Variants in ADAMTSL1 observed in about 807,000 individuals in gnomAD.
ADAMTSL1 encodes the protein ADAMTS like 1.
ADAMTSL1 carries 126 observed loss-of-function variants against 201.8 expected under a neutral mutation model. That is an observed-to-expected ratio of 0.62 (90% CI 0.54 to 0.72). ADAMTSL1 has a LOEUF of 0.72. Ranked by LOEUF, ADAMTSL1 falls within the 30% of genes least tolerant of loss-of-function variation. The pLI is 0.00. For synonymous variants in ADAMTSL1, 1,121 were observed against 903.4 expected (o/e 1.24, Z -4.32); for missense variants, 2,679 against 2,277.8 (o/e 1.18, Z -3.59).
intron 2 of ADAMTSL1, among the ~76,000 whole-genome samples, chr9:18,465,367 G>A (rs1820963950): frequency 6.6e-6 from 1 of 152,202 alleles, no homozygotes; most frequent in Non-Finnish European, 1.5e-5. Flanking sequence ...AAGTCTGGAG[G>A]TGGGCAATAC....
chr9:18,761,095 G>C (rs1820047337), intron 16 of ADAMTSL1, among the ~76,000 whole-genome samples: 1 of 152,204 alleles, frequency 6.6e-6, no homozygotes, highest in South Asian at 2.1e-4. Context: ...AGTGAATGAA[G>C]AAACAAGTGA....
rs146891671 is a variant in ADAMTSL1, at chr9:18,046,683, A to C, written c.88-117179A>C. Among the ~76,000 whole-genome samples the C allele has an allele frequency of 3.5e-3, 532 of 152,292 alleles. 1 individual carries two copies. The highest frequency in any genetic ancestry group is 0.012 in the African/African-American group (496 of 41,574). On this transcript the variant is annotated intron_variant, in intron 1 of 29. Transcript: ENST00000680146. ...ATTAATAATGATGGAAACTATAATAATAATTATACAATCTACCATTTATTG... is the reference window on the plus strand; with the variant it reads ...ATTAATAATGATGGAAACTATAATACTAATTATACAATCTACCATTTATTG...
chr9:18,584,399 A>G (rs1587639367), intron 4 of ADAMTSL1, among the ~76,000 whole-genome samples: 1 of 152,126 alleles, frequency 6.6e-6, no homozygotes, highest in Non-Finnish European at 1.5e-5. Context: ...TGTAAGTCCA[A>G]TAAACCTCTT....
At chr9:18,676,976 T>A (rs1830166618) in intron 10 of ADAMTSL1, among the ~76,000 whole-genome samples, 1 of 152,112 alleles carries the variant, frequency 6.6e-6, no homozygotes, top group South Asian at 2.1e-4. Context: ...ACCACAGATA[T>A]GTTAAATATA....
At chr9:18,501,357 A>G (rs1040794000) in intron 1 of ADAMTSL1, among the ~76,000 whole-genome samples, 5 of 152,082 alleles carry the variant, frequency 3.3e-5, no homozygotes, top group African/African-American at 1.2e-4. Context: ...TGAAAAATAC[A>G]AAAATTAGCC....
At chr9:18,581,595 T>C (rs971008896) in intron 4 of ADAMTSL1, among the ~76,000 whole-genome samples, 10 of 152,196 alleles carry the variant, frequency 6.6e-5, no homozygotes, top group Non-Finnish European at 1.5e-5. Context: ...GAGACTTGGA[T>C]ATAGTGCATC....
intron 9 of ADAMTSL1, among the ~76,000 whole-genome samples, chr9:18,670,871 C>G (rs895156650): frequency 6.6e-6 from 1 of 151,880 alleles, no homozygotes; most frequent in Admixed American, 6.6e-5. Flanking sequence ...CCCACCCCAC[C>G]CCCACCTCCA....
rs111293635 is a variant in ADAMTSL1, at chr9:18,541,612, C to A, written c.237+8320C>A. Among the ~76,000 whole-genome samples the A allele has an allele frequency of 3.0e-3, 449 of 152,132 alleles. 3 individuals are homozygous for A. Among genetic ancestry groups the A allele is most frequent in the African/African-American group, 0.01 (419 of 41,502 alleles). On this transcript the variant is annotated intron_variant, in intron 3 of 28. Transcript: ENST00000380548. Reference sequence around the variant, plus strand: ...TCCCATGGATAATGAGGACTTAAAGCAGTGTTATGTAGCAGAAAGAACATG... The same window carrying A: ...TCCCATGGATAATGAGGACTTAAAGAAGTGTTATGTAGCAGAAAGAACATG...
chr9:17,983,257 G>A (rs974347649), intron 1 of ADAMTSL1, among the ~76,000 whole-genome samples: 30 of 151,676 alleles, frequency 2.0e-4, no homozygotes, highest in African/African-American at 6.8e-4. Flanking sequence ...TTTTAGTAGG[G>A]ATGGGGTTTC....
chr9:18,353,349 G>T (rs1437289773), intron 2 of ADAMTSL1, among the ~76,000 whole-genome samples: 1 of 152,124 alleles, frequency 6.6e-6, no homozygotes, highest in Non-Finnish European at 1.5e-5. Context: ...CTTAAACCTG[G>T]ACTCAAGTGT....
intron 2 of ADAMTSL1, among the ~76,000 whole-genome samples, chr9:18,384,779 C>A (rs772876319): frequency 2.0e-5 from 3 of 152,116 alleles, no homozygotes; most frequent in African/African-American, 7.2e-5. Flanking sequence ...CACCTTAATG[C>A]GGAAATGTTC....
At chr9:18,510,406 A>C (rs1316870513) in intron 2 of ADAMTSL1, among the ~76,000 whole-genome samples, 1 of 152,200 alleles carries the variant, frequency 6.6e-6, no homozygotes, top group Non-Finnish European at 1.5e-5. Flanking sequence ...ACACAGGTAC[A>C]CATTAAATAT....
chr9:18,269,551 A>G (rs546225114), intron 2 of ADAMTSL1, among the ~76,000 whole-genome samples: 52 of 152,330 alleles, frequency 3.4e-4, no homozygotes, highest in Non-Finnish European at 2.9e-5. Context: ...CTCATTATTA[A>G]TAAATTTGGC....
intron 1 of ADAMTSL1, among the ~76,000 whole-genome samples, chr9:17,985,670 A>G (rs1443255388): frequency 6.6e-6 from 1 of 152,140 alleles, no homozygotes; most frequent in East Asian, 1.9e-4. Flanking sequence ...TTACATAATT[A>G]TACACAGAAT....
chr9:18,392,332 G>A (rs933876724), intron 2 of ADAMTSL1, among the ~76,000 whole-genome samples: 2 of 152,182 alleles, frequency 1.3e-5, no homozygotes, highest in African/African-American at 4.8e-5. Flanking sequence ...GCACTCACTA[G>A]CCTAGCTTCA....
intron 2 of ADAMTSL1, among the ~76,000 whole-genome samples, chr9:18,448,547 C>G (rs1390965692): frequency 2.6e-5 from 4 of 152,152 alleles, no homozygotes; most frequent in African/African-American, 7.2e-5. Flanking sequence ...AATTCATCAT[C>G]ATAAGTTGAA....
intron 1 of ADAMTSL1, among the ~76,000 whole-genome samples, chr9:18,082,970 G>A (rs1255886712): frequency 6.6e-6 from 1 of 152,194 alleles, no homozygotes; most frequent in African/African-American, 2.4e-5. Flanking sequence ...AACCAGTACT[G>A]CCAGGAAGCT....
At chr9:18,207,629 A>G (rs1283252056) in intron 2 of ADAMTSL1, among the ~76,000 whole-genome samples, 3 of 152,222 alleles carry the variant, frequency 2.0e-5, no homozygotes, top group Non-Finnish European at 1.5e-5. Flanking sequence ...AGGTGAATCC[A>G]TGGTCCGATG....
intron 2 of ADAMTSL1, among the ~76,000 whole-genome samples, chr9:18,428,725 G>A (rs763437513): frequency 6.6e-6 from 1 of 152,138 alleles, no homozygotes; most frequent in Non-Finnish European, 1.5e-5. Context: ...CATGATTTTT[G>A]ACCATTTCAA....
Sources: allele counts gnomAD v4.1 joint callset (sites outside exome capture counted in the v4.1 genomes callset), GRCh38; gene constraint gnomAD v4.1.1; transcripts MANE v1.5; gene names NCBI Gene and HGNC (gene_info 2026-07-23, HGNC 2026-07-21).